Variants in ZDHHC14 observed in about 807,000 individuals in gnomAD.
The protein encoded by ZDHHC14 is palmitoyltransferase ZDHHC14.
A neutral mutation model predicts 47.7 loss-of-function variants in ZDHHC14; 16 were observed. The observed-to-expected ratio is 0.34, with a 90% CI of 0.23 to 0.51. The LOEUF (loss-of-function observed/expected upper bound fraction) is 0.51. Among genes scored for constraint, ZDHHC14 ranks in the 20% least tolerant of loss-of-function variants. The probability of loss-of-function intolerance (pLI) is 0.97; values close to 1 mark genes in which losing one functional copy is unlikely to be tolerated. For missense variants in ZDHHC14, 515 were observed against 662.5 expected (o/e 0.78, Z 2.44); for synonymous variants, 293 against 278.9 (o/e 1.05, Z -0.50).
intron 3 of ZDHHC14, among the ~76,000 whole-genome samples, chr6:157,601,346 G>A (rs9505852): frequency 0.016 from 2,453 of 152,210 alleles, 58 homozygotes; most frequent in African/African-American, 0.055. Flanking sequence ...TCTAATTAAT[G>A]TGGTAATGTA....
At chr6:157,619,598 A>G (rs529858460) in intron 3 of ZDHHC14, among the ~76,000 whole-genome samples, 4 of 152,264 alleles carry the variant, frequency 2.6e-5, no homozygotes, top group African/African-American at 7.2e-5. Flanking sequence ...GGGGAGAGAC[A>G]CCTTAGAGTC....
rs1035316604 is a variant in ZDHHC14 at position 157,529,472 on chromosome 6, G to A, written c.246-13113G>A. On this transcript the variant is annotated intron_variant, in intron 1 of 8. Coordinates refer to ENST00000359775, the MANE Select transcript of ZDHHC14 (RefSeq NM_024630.3). ...CCCCTGGGAATCTGTGGTTTCTGTTGTGTAGAAACCACAGAGCTTGTTATT... is the reference window on the plus strand; with the variant it reads ...CCCCTGGGAATCTGTGGTTTCTGTTATGTAGAAACCACAGAGCTTGTTATT... 1.5e-3 allele frequency among the ~76,000 whole-genome samples: 230 copies of A among 152,122 alleles called. 2 individuals carry two copies. Among genetic ancestry groups the A allele is most frequent in the African/African-American group, 5.3e-3 (220 of 41,434 alleles).
intron 2 of ZDHHC14, among the ~76,000 whole-genome samples, chr6:157,556,441 C>T (rs935607805): frequency 6.6e-6 from 1 of 152,248 alleles, no homozygotes; most frequent in African/African-American, 2.4e-5. Context: ...CCCAAAGCCT[C>T]TCAACTAGTA....
At chr6:157,433,147 G>A (rs1778372103) in intron 1 of ZDHHC14, among the ~76,000 whole-genome samples, 1 of 152,230 alleles carries the variant, frequency 6.6e-6, no homozygotes, top group Admixed American at 6.5e-5. Flanking sequence ...TGGCAGGTTT[G>A]CATTTGGGCA....
At chr6:157,410,131 G>A (rs777923000) in intron 1 of ZDHHC14, among the ~76,000 whole-genome samples, 1 of 152,158 alleles carries the variant, frequency 6.6e-6, no homozygotes, top group South Asian at 2.1e-4. Context: ...ATGGAGAGAC[G>A]CTCACAGGCC....
At chr6:157,653,672 T>C (rs1777947436) in intron 8 of ZDHHC14, 45 bp downstream of exon 8, 7 of 1,585,956 alleles carry the variant, frequency 4.4e-6, no homozygotes, top group Non-Finnish European at 6.0e-6. Flanking sequence ...TCCCTTTTGC[T>C]TGTGTGCTCA....
At chr6:157,591,540 C>T (rs1445865382) in intron 2 of ZDHHC14, among the ~76,000 whole-genome samples, 1 of 152,174 alleles carries the variant, frequency 6.6e-6, no homozygotes, top group African/African-American at 2.4e-5. Context: ...CCTGAGACCT[C>T]CCCAGCCCTA....
chr6:157,481,056 A>C (rs1457773381), intron 1 of ZDHHC14, among the ~76,000 whole-genome samples: 1 of 152,176 alleles, frequency 6.6e-6, no homozygotes. Context: ...ATTCAACCGA[A>C]ACCATTATTT....
intron 1 of ZDHHC14, among the ~76,000 whole-genome samples, chr6:157,439,565 C>T (rs1386412897): frequency 6.6e-6 from 1 of 152,100 alleles, no homozygotes; most frequent in Non-Finnish European, 1.5e-5. Flanking sequence ...TCTGTGGGAA[C>T]ATAAATTAGT....
rs1785529517 is a variant in ZDHHC14 at position 157,628,487 on chromosome 6, G to A, written c.703+1G>A. ...TTCGTTATCACCCACGTCATTCTTC[G>A]TAAGTATGCTGGCGAAATCAGATTA... On this transcript the variant is annotated splice_donor_variant, in intron 4 of 8. Transcript: ENST00000359775. LOFTEE classifies it high-confidence loss of function. The A allele has an allele frequency of 1.9e-6, 3 of 1,610,870 alleles. No individual in the cohort carries two copies. The highest frequency in any genetic ancestry group is 1.1e-5 in the South Asian group (1 of 90,368).
Position 157,636,336 on chromosome 6 carries a change from AGTGTGT to A in ZDHHC14, c.752+3474_752+3479del, listed in dbSNP as rs112041409. Among the ~76,000 whole-genome samples the A allele has an allele frequency of 1.4e-3, 210 of 149,250 alleles. 1 individual carries two copies. The highest frequency in any genetic ancestry group is 6.9e-3 in the Middle Eastern group (2 of 288). ...TATAAGGACTATATAAGGATATATA[AGTGTGT>A]GTGTGTGTGTGTGTGTGTGCATGCA... On this transcript the variant is annotated intron_variant, in intron 5 of 8. Coordinates refer to ENST00000359775, the MANE Select transcript of ZDHHC14 (RefSeq NM_024630.3).
intron 4 of ZDHHC14, chr6:157,631,029 C>G (rs1785702016): frequency 7.0e-6 from 1 of 143,176 alleles, no homozygotes; most frequent in Non-Finnish European, 1.5e-5. Flanking sequence ...CACACCCACT[C>G]ACACACATAC....
intron 3 of ZDHHC14, among the ~76,000 whole-genome samples, chr6:157,624,676 A>G (rs578097954): frequency 6.6e-4 from 101 of 152,332 alleles, no homozygotes; most frequent in Admixed American, 2.0e-3. Flanking sequence ...CAGCTTTGCG[A>G]TACACTAACT....
chr6:157,628,314 T>A (rs1334692419), intron 3 of ZDHHC14, 35 bp from the exon 4 acceptor site: 1 of 1,567,992 alleles, frequency 6.4e-7, no homozygotes, highest in South Asian at 1.2e-5. Context: ...ATTAATTGAT[T>A]TCCACTTTTT....
intron 1 of ZDHHC14, among the ~76,000 whole-genome samples, chr6:157,503,911 T>C (rs1289565894): frequency 6.6e-6 from 1 of 152,048 alleles, no homozygotes; most frequent in Non-Finnish European, 1.5e-5. Context: ...GGATAAAAAA[T>C]TGGTATTATC....
At chr6:157,590,437 G>A (rs561647361) in intron 2 of ZDHHC14, among the ~76,000 whole-genome samples, 1 of 152,308 alleles carries the variant, frequency 6.6e-6, no homozygotes, top group South Asian at 2.1e-4. Flanking sequence ...ATGGTTAAAA[G>A]GGGCCAAGGT....
chr6:157,410,414 A>G (rs1777851002), intron 1 of ZDHHC14, among the ~76,000 whole-genome samples: 1 of 152,186 alleles, frequency 6.6e-6, no homozygotes, highest in South Asian at 2.1e-4. Context: ...ATTTTGTATA[A>G]AAAAATGATT....
intron 1 of ZDHHC14, among the ~76,000 whole-genome samples, chr6:157,523,104 G>T (rs1781018996): frequency 6.7e-6 from 1 of 149,788 alleles, no homozygotes; most frequent in African/African-American, 2.5e-5. Flanking sequence ...CCAGCAAGAG[G>T]GTGAATGGGA....
chr6:157,641,408 C>T (rs1276963692), intron 5 of ZDHHC14, among the ~76,000 whole-genome samples: 1 of 151,978 alleles, frequency 6.6e-6, no homozygotes, highest in Non-Finnish European at 1.5e-5. Flanking sequence ...TTGGCCAATT[C>T]GATGAAAAGA....
Sources: allele counts gnomAD v4.1 joint callset (sites outside exome capture counted in the v4.1 genomes callset), GRCh38; gene constraint gnomAD v4.1.1; transcripts MANE v1.5; gene names NCBI Gene and HGNC (gene_info 2026-07-23, HGNC 2026-07-21).